The following ZYG11A variants were observed in gnomAD, a reference collection of about 807,000 sequenced individuals.
The protein encoded by ZYG11A is zyg-11 family member A, cell cycle regulator.
ZYG11A carries 62 observed loss-of-function variants against 77.2 expected under a neutral mutation model. The ratio of observed to expected loss-of-function variants is 0.80; its 90% CI spans 0.65 to 0.99. The LOEUF (loss-of-function observed/expected upper bound fraction) is 0.99, where lower values mean the gene tolerates loss of function less well. Among genes scored for constraint, ZYG11A ranks in the 50% least tolerant of loss-of-function variants. ZYG11A has a pLI of 0.00. For synonymous variants in ZYG11A, 315 were observed against 324.6 expected (o/e 0.97, Z 0.32); for missense variants, 828 against 896.8 (o/e 0.92, Z 0.98).
chr1:52,848,858 C>T (rs1645649753), intron 1 of ZYG11A, among the ~76,000 whole-genome samples: 3 of 152,050 alleles, frequency 2.0e-5, no homozygotes, highest in Admixed American at 1.3e-4. Context: ...CAGAGCTAGA[C>T]TCTGTCTCAA....
intron 4 of ZYG11A, among the ~76,000 whole-genome samples, chr1:52,863,310 G>A (rs932481258): frequency 6.6e-6 from 1 of 152,132 alleles, no homozygotes; most frequent in African/African-American, 2.4e-5. Flanking sequence ...GTTACCTAAT[G>A]TTTTGTTTTA....
chr1:52,885,320 G>T (rs1646430227), intron 11 of ZYG11A, among the ~76,000 whole-genome samples: 1 of 75,012 alleles, frequency 1.3e-5, no homozygotes, highest in African/African-American at 7.1e-5. Context: ...TTTTTGTTTT[G>T]TGTTTTGTTT....
chr1:52,892,026 G>A lies in ZYG11A; in HGVS notation c.2105-756G>A, dbSNP rs547737259. Among the ~76,000 whole-genome samples the A allele has an allele frequency of 2.6e-5, 4 of 151,318 alleles. No homozygotes were observed. In the South Asian group the frequency reaches 8.4e-4, roughly 32 times the overall value. ...CCATTCTCCTGCCTCAGCCTCCCGA[G>A]TAGCTGGGACTACAGGTGCCCACGA... On this transcript the variant is annotated intron_variant, in intron 13 of 13. Transcript: ENST00000371528.
At chr1:52,855,731 A>G (rs996793569) in intron 2 of ZYG11A, among the ~76,000 whole-genome samples, 3 of 152,324 alleles carry the variant, frequency 2.0e-5, no homozygotes, top group Middle Eastern at 3.4e-3. Flanking sequence ...TGCAACATGT[A>G]TATCTGTACT....
At chr1:52,849,620 G>A (rs1031223768) in intron 1 of ZYG11A, among the ~76,000 whole-genome samples, 2 of 151,550 alleles carry the variant, frequency 1.3e-5, no homozygotes, top group South Asian at 2.1e-4. Context: ...TGCCCGCCTC[G>A]GCCTCTAAGC....
intron 2 of ZYG11A, among the ~76,000 whole-genome samples, chr1:52,856,477 AAT>A (rs1197002436): frequency 1.0e-4 from 14 of 138,668 alleles, no homozygotes; most frequent in East Asian, 4.0e-4. Context: ...AAAAAAAAAA[AAT>A]ATGTGTAGTA....
intron 13 of ZYG11A, 71 bp downstream of exon 13, chr1:52,887,124 G>A: frequency 1.2e-6 from 1 of 818,506 alleles, no homozygotes; most frequent in African/African-American, 1.7e-5. Flanking sequence ...TTAAGTTCAA[G>A]ATGGATGTGC....
At chr1:52,892,389 G>A (rs1010184427) in intron 13 of ZYG11A, among the ~76,000 whole-genome samples, 6 of 151,058 alleles carry the variant, frequency 4.0e-5, no homozygotes, top group Non-Finnish European at 7.4e-5. Flanking sequence ...TTAGCCGGGC[G>A]TGGTGGGGCA....
chr1:52,864,948 G>A (rs1301468617), intron 5 of ZYG11A, among the ~76,000 whole-genome samples: 1 of 151,898 alleles, frequency 6.6e-6, no homozygotes, highest in Non-Finnish European at 1.5e-5. Flanking sequence ...CCCGCGCCTG[G>A]CCTACACTCA....
chr1:52,885,725 C>A, intron 11 of ZYG11A, 108 bp from the exon 12 acceptor site: 1 of 746,046 alleles, frequency 1.3e-6, no homozygotes, highest in Non-Finnish European at 2.2e-6. Context: ...TGATATTTTG[C>A]CAAGTAGATG....
At chr1:52,866,390 A>G in intron 5 of ZYG11A, 113 bp from the exon 6 acceptor site, 1 of 549,568 alleles carries the variant, frequency 1.8e-6, no homozygotes, top group Non-Finnish European at 3.2e-6. Context: ...GCTGGTACAC[A>G]AATGAGCTCT....
At chr1:52,850,202 G>A (rs2149987593) in intron 1 of ZYG11A, among the ~76,000 whole-genome samples, 1 of 152,090 alleles carries the variant, frequency 6.6e-6, no homozygotes. Context: ...CCAGGCTGGA[G>A]TGCAGTGGCA....
chr1:52,880,279 A>T (rs1571875524), intron 10 of ZYG11A, among the ~76,000 whole-genome samples: 1 of 152,042 alleles, frequency 6.6e-6, no homozygotes, highest in Non-Finnish European at 1.5e-5. Context: ...TTTCTGCTTC[A>T]ATCTTTAGTG....
At chr1:52,861,696 CA>C (rs11425088) in intron 4 of ZYG11A, among the ~76,000 whole-genome samples, 1 of 150,492 alleles carries the variant, frequency 6.6e-6, no homozygotes, top group African/African-American at 2.4e-5. Flanking sequence ...GAGCGAGACT[CA>C]AAAAAAAATA....
rs765571939 is a variant in ZYG11A at position 52,864,116 on chromosome 1, C to T, written c.1285C>T (p.Leu429=). The T allele has an allele frequency of 2.6e-6, 4 of 1,551,806 alleles. No homozygotes were observed. In the South Asian group the frequency reaches 4.8e-5, roughly 18 times the overall value. Residue 429 remains leucine, a synonymous_variant, in exon 5 of 14, where the codon CTA becomes TTA. Coordinates refer to ENST00000371528, the MANE Select transcript of ZYG11A (RefSeq NM_001004339.3). ...TCGCCTGTTGTCAGAGGTCACCTGT[C>T]TACTTTTCAAGGCTCTGAAAAATTT... ...PVRLLSEVTC[L]LFKALKNFPH...
chr1:52,889,051 C>T (rs1646496300), intron 13 of ZYG11A, among the ~76,000 whole-genome samples: 1 of 152,208 alleles, frequency 6.6e-6, no homozygotes, highest in African/African-American at 2.4e-5. Flanking sequence ...GTTGTAAGCA[C>T]TTTATGAATA....
intron 4 of ZYG11A, among the ~76,000 whole-genome samples, chr1:52,861,991 A>G (rs12354395): frequency 0.49 from 73,864 of 151,808 alleles, 19,180 homozygotes; most frequent in Non-Finnish European, 0.59. Context: ...TGGACAGATC[A>G]CCTGAGGTCA....
chr1:52,880,683 C>T (rs1485469946), intron 10 of ZYG11A, among the ~76,000 whole-genome samples: 1 of 152,146 alleles, frequency 6.6e-6, no homozygotes, highest in African/African-American at 2.4e-5. Context: ...AGAAGCCCAC[C>T]TTTTAAGGAA....
intron 10 of ZYG11A, among the ~76,000 whole-genome samples, chr1:52,880,582 G>A (rs1019042787): frequency 6.6e-6 from 1 of 152,112 alleles, no homozygotes; most frequent in Non-Finnish European, 1.5e-5. Context: ...TTATATATAT[G>A]TATCTGTCTT....
Sources: gnomAD v4.1 joint callset for allele counts (sites outside exome capture counted in the v4.1 genomes callset) on GRCh38, gnomAD v4.1.1 for gene constraint, MANE v1.5 for transcripts, NCBI Gene and HGNC (gene_info 2026-07-23, HGNC 2026-07-21) for gene names.